MAN1C1: variants seen among roughly 807,000 people sequenced by gnomAD.
MAN1C1 encodes the protein mannosidase alpha class 1C member 1, also known as mannosyl-oligosaccharide 1,2-alpha-mannosidase IC.
In MAN1C1, 49 loss-of-function variants were observed where a neutral mutation model predicts 71.5. The observed-to-expected ratio is 0.69, with a 90% CI of 0.54 to 0.87. The LOEUF (loss-of-function observed/expected upper bound fraction) is 0.87. MAN1C1 is among the 40% of genes least tolerant of loss of function. MAN1C1 has a pLI of 0.00. For missense variants in MAN1C1, 743 were observed against 835.0 expected (o/e 0.89, Z 1.36); for synonymous variants, 352 against 343.7 (o/e 1.02, Z -0.27).
At chr1:25,619,427 A>G (rs2045171577) in intron 1 of MAN1C1, among the ~76,000 whole-genome samples, 1 of 152,258 alleles carries the variant, frequency 6.6e-6, no homozygotes, top group South Asian at 2.1e-4. Context: ...AGCAAGGATC[A>G]GGACCTGCCC....
Position 25,631,190 on chromosome 1 carries a change from A to ACT in MAN1C1, c.540+12855_540+12856dup, listed in dbSNP as rs2045374489. The stretch of plus-strand genomic sequence containing the variant: ...GCCATGTTGCCCAGGCTGGTCTCAA[A>ACT]CTCCTGAGCTTAGGCAGTCCACCCG... On this transcript the variant is annotated intron_variant, in intron 1 of 11. Transcript: ENST00000374332. This position sits in a 1 kb window ranked among gnomAD's most constrained non-coding sequence, Gnocchi z 4.2. Among the ~76,000 whole-genome samples, 2 of 151,600 alleles carry ACT rather than the reference A, an allele frequency of 1.3e-5. No homozygotes were observed. Among genetic ancestry groups the ACT allele is most frequent in the South Asian group, 4.2e-4 (2 of 4,782 alleles).
rs574963379 is a variant in MAN1C1 at position 25,769,914 on chromosome 1, A to G, written c.1142-1743A>G. Among the ~76,000 whole-genome samples the G allele has an allele frequency of 6.6e-6, 1 of 150,408 alleles. No individual in the cohort carries two copies. Among genetic ancestry groups the G allele is most frequent in the South Asian group, 2.1e-4 (1 of 4,662 alleles). ...TTCACTTAATCCCCGTGGCCACCCTATGGGGAGGGACCGGGAGCAGGCTTG... is the reference window on the plus strand; with the variant it reads ...TTCACTTAATCCCCGTGGCCACCCTGTGGGGAGGGACCGGGAGCAGGCTTG... On this transcript the variant is annotated intron_variant, in intron 7 of 11. Transcript: ENST00000374332. The surrounding 1 kb of genome is among the most constrained non-coding windows in gnomAD (Gnocchi z 4.8).
intron 2 of MAN1C1, among the ~76,000 whole-genome samples, chr1:25,713,648 C>T (rs2982292): frequency 0.2 from 30,695 of 152,016 alleles, 4,411 homozygotes; most frequent in African/African-American, 0.4. Flanking sequence ...GGCCCTAAGC[C>T]TTCCTGATTC....
At position 25,617,091 on chromosome 1, in the gene MAN1C1, T is replaced by C. The variant is rs1354764758; in HGVS notation, c.-707T>C. On this transcript the variant is annotated 5_prime_UTR_variant, in exon 1 of 12. Transcript: ENST00000374332. This position sits in a 1 kb window ranked among gnomAD's most constrained non-coding sequence, Gnocchi z 5.1. ...TCCGGACCCAGGCATCCCTGCGCTGTCTGGGGCCCGGGGGAAGCCCCCTGC... is the reference window on the plus strand; with the variant it reads ...TCCGGACCCAGGCATCCCTGCGCTGCCTGGGGCCCGGGGGAAGCCCCCTGC... Among the ~76,000 whole-genome samples, 1 of 151,866 alleles carries C rather than the reference T, an allele frequency of 6.6e-6. No homozygotes were observed. The highest frequency in any genetic ancestry group is 2.0e-4 in the East Asian group (1 of 5,124).
chr1:25,713,696 T>C (rs1041511572), intron 2 of MAN1C1, among the ~76,000 whole-genome samples: 3 of 152,178 alleles, frequency 2.0e-5, no homozygotes, highest in Non-Finnish European at 4.4e-5. Flanking sequence ...ATGTGCCTCA[T>C]CTCCGGCCTC....
At chr1:25,662,734 A>G (rs1242181960) in intron 1 of MAN1C1, among the ~76,000 whole-genome samples, 1 of 152,066 alleles carries the variant, frequency 6.6e-6, no homozygotes, top group African/African-American at 2.4e-5. Flanking sequence ...GTTCAAGACC[A>G]GCCTGGCCAA....
intron 1 of MAN1C1, among the ~76,000 whole-genome samples, chr1:25,684,843 C>A (rs551275448): frequency 6.6e-6 from 1 of 152,206 alleles, no homozygotes; most frequent in Non-Finnish European, 1.5e-5. Context: ...GTGAGTGATA[C>A]AAACAATATA....
chr1:25,659,654 C>G (rs996744877), intron 1 of MAN1C1, among the ~76,000 whole-genome samples: 2 of 152,162 alleles, frequency 1.3e-5, no homozygotes, highest in African/African-American at 2.4e-5. Flanking sequence ...AGCAGAATCT[C>G]CTGGACTCCA....
chr1:25,781,140 A>G (rs1371349099), intron 10 of MAN1C1, 28 bp downstream of exon 10: 1 of 1,611,114 alleles, frequency 6.2e-7, no homozygotes, highest in Non-Finnish European at 8.5e-7. Context: ...ATGGGCAGCA[A>G]GGTGCTAGAT....
chr1:25,647,193 C>T (rs1224438159), intron 1 of MAN1C1, among the ~76,000 whole-genome samples: 1 of 152,148 alleles, frequency 6.6e-6, no homozygotes, highest in Non-Finnish European at 1.5e-5. Context: ...AGTCAGGTGG[C>T]ATTCACAAGT....
rs980711239 is a variant in MAN1C1 at position 25,711,621 on chromosome 1, G to A, written c.637+25085G>A. Among the ~76,000 whole-genome samples, 3 of 152,176 alleles carry A rather than the reference G, an allele frequency of 2.0e-5. No homozygotes were observed. Among genetic ancestry groups the A allele is most frequent in the African/African-American group, 4.8e-5 (2 of 41,434 alleles). Reference sequence around the variant, plus strand: ...TTCTGCATGTATTGAGCACCACTGTGTGCCAGGCCCTGCTCCCTGCGGCCC... The same window carrying A: ...TTCTGCATGTATTGAGCACCACTGTATGCCAGGCCCTGCTCCCTGCGGCCC... On this transcript the variant is annotated intron_variant, in intron 2 of 11. Coordinates refer to ENST00000374332, the MANE Select transcript of MAN1C1 (RefSeq NM_020379.4). The surrounding 1 kb of genome is among the most constrained non-coding windows in gnomAD (Gnocchi z 4.3).
chr1:25,709,312 C>A (rs1343550961), intron 2 of MAN1C1, among the ~76,000 whole-genome samples: 1 of 152,186 alleles, frequency 6.6e-6, no homozygotes, highest in African/African-American at 2.4e-5. Flanking sequence ...GAAAGTCCAG[C>A]AGGGCCACCT....
intron 1 of MAN1C1, among the ~76,000 whole-genome samples, chr1:25,651,437 G>A (rs2045691241): frequency 6.6e-6 from 1 of 152,172 alleles, no homozygotes; most frequent in African/African-American, 2.4e-5. Flanking sequence ...TGGTATGAGT[G>A]GGATGGACTC....
At chr1:25,740,603 A>AT (rs1473497764) in intron 2 of MAN1C1, among the ~76,000 whole-genome samples, 1 of 151,970 alleles carries the variant, frequency 6.6e-6, no homozygotes, top group Non-Finnish European at 1.5e-5. Flanking sequence ...TGCCCGGCTA[A>AT]TTTTTTGTAT....
intron 1 of MAN1C1, among the ~76,000 whole-genome samples, chr1:25,624,980 A>G (rs1335717880): frequency 6.7e-6 from 1 of 150,152 alleles, no homozygotes; most frequent in African/African-American, 2.5e-5. Flanking sequence ...TTATTAATAC[A>G]TATAGCGAAA....
At chr1:25,754,834 G>A (rs553458568) in intron 5 of MAN1C1, among the ~76,000 whole-genome samples, 79 of 152,364 alleles carry the variant, frequency 5.2e-4, no homozygotes, top group Non-Finnish European at 9.6e-4. Context: ...GATTAAGGAA[G>A]CGCGTTTGCT....
chr1:25,623,381 G>A (rs1476907561), intron 1 of MAN1C1, among the ~76,000 whole-genome samples: 1 of 152,068 alleles, frequency 6.6e-6, no homozygotes, highest in Non-Finnish European at 1.5e-5. Flanking sequence ...TGTCTTTAGT[G>A]TCAGGGCTAG....
At chr1:25,621,922 C>T (rs1368564657) in intron 1 of MAN1C1, among the ~76,000 whole-genome samples, 1 of 152,170 alleles carries the variant, frequency 6.6e-6, no homozygotes, top group Non-Finnish European at 1.5e-5. Flanking sequence ...AGCCACCGCG[C>T]CTGGCCAGTG....
At chr1:25,622,587 G>C (rs2045230919) in intron 1 of MAN1C1, among the ~76,000 whole-genome samples, 1 of 152,214 alleles carries the variant, frequency 6.6e-6, no homozygotes, top group South Asian at 2.1e-4. Flanking sequence ...GACCCAAGAG[G>C]CCTTTTAGAA....
Sources: allele counts gnomAD v4.1 joint callset (sites outside exome capture counted in the v4.1 genomes callset), GRCh38; gene constraint gnomAD v4.1.1; non-coding constraint Gnocchi (gnomAD v3.1); transcripts MANE v1.5; gene names NCBI Gene and HGNC (gene_info 2026-07-23, HGNC 2026-07-21).